PARD3: variants seen among roughly 807,000 people sequenced by gnomAD.
PARD3 encodes the protein par-3 family cell polarity regulator.
In PARD3, 75 loss-of-function variants were observed where a neutral mutation model predicts 155.4. That is an observed-to-expected ratio of 0.48 (90% CI 0.40 to 0.58). PARD3 has a LOEUF of 0.58. PARD3 is among the 20% of genes least tolerant of loss of function. PARD3 has a pLI of 0.00. For missense variants in PARD3, 1,642 were observed against 1,721.7 expected, an observed-to-expected ratio of 0.95 and a Z score of 0.82; for synonymous variants, 576 against 610.5, an observed-to-expected ratio of 0.94 and a Z score of 0.83.
At position 34,806,692 on chromosome 10, in the gene PARD3, C is replaced by T. The variant is rs767856538; in HGVS notation, c.120+8184G>A. On this transcript the variant is annotated intron_variant, in intron 1 of 24. Transcript: ENST00000374788. ...TCCATTTGACCTGGAGAGCAAGCCC[C>T]GTCATTTCAAAGTTGGGGGGGTCGG... Among the ~76,000 whole-genome samples the T allele has an allele frequency of 2.6e-5, 4 of 152,268 alleles. No individual in the cohort carries two copies. In the East Asian group the frequency reaches 5.8e-4, roughly 22 times the overall value.
chr10:34,142,531 T>C, intron 22 of PARD3, among the ~76,000 whole-genome samples: 1 of 145,392 alleles, frequency 6.9e-6, no homozygotes, highest in East Asian at 2.1e-4. Context: ...CGAGACTCTG[T>C]CAAAGAAAAA....
chr10:34,742,253 GAGA>G (rs1310464034), intron 1 of PARD3, among the ~76,000 whole-genome samples: 12 of 152,336 alleles, frequency 7.9e-5, no homozygotes, highest in Non-Finnish European at 1.2e-4. Flanking sequence ...GAACTGGGAT[GAGA>G]TCAGAGGCAC....
Position 34,282,742 on chromosome 10 carries a change from C to T in PARD3, c.3176+1393G>A, listed in dbSNP as rs531050996. Among the ~76,000 whole-genome samples, 3 of 152,202 alleles carry T rather than the reference C, an allele frequency of 2.0e-5. No homozygotes were observed. The East Asian group carries it at 5.8e-4, about 29-fold the overall frequency. ...AGTTCACACATTTACCTGGTATAGT[C>T]TCCTCCTTTAGGGAGAAGAAACTCT... On this transcript the variant is annotated intron_variant, in intron 21 of 24. Coordinates refer to ENST00000374788, the MANE Select transcript of PARD3 (RefSeq NM_001184785.2).
chr10:34,375,616 A>G (rs1431344268), intron 10 of PARD3, among the ~76,000 whole-genome samples: 2 of 152,208 alleles, frequency 1.3e-5, no homozygotes, highest in East Asian at 3.8e-4. Context: ...AAAAATTTAA[A>G]ACAACTTGTT....
chr10:34,727,878 C>CCACACACACACACACA (rs61342514), intron 1 of PARD3, among the ~76,000 whole-genome samples: 1 of 144,622 alleles, frequency 6.9e-6, no homozygotes, highest in African/African-American at 2.6e-5. Context: ...CCTCCCTCCG[C>CCACACACACACACACA]CACACACACA....
chr10:34,266,459 AC>A (rs1955314114), intron 22 of PARD3, among the ~76,000 whole-genome samples: 1 of 152,226 alleles, frequency 6.6e-6, no homozygotes, highest in Admixed American at 6.5e-5. Context: ...AATAATAATT[AC>A]AAAAAACTAA....
rs550463501 is a variant in PARD3 at position 34,696,471 on chromosome 10, G to A, written c.121-52C>T. The A allele has an allele frequency of 9.2e-6, 10 of 1,091,660 alleles. No homozygotes were observed. In the South Asian group the frequency reaches 1.0e-4, roughly 11 times the overall value. The allele number at this position is 1,091,660 out of a possible 1,614,324, so 67.6% of individuals were successfully genotyped here. ...TATAGCAAGTTAGCATCACCAAAAG[G>A]GAATTAGACATTTTAAACCGTGATA... On this transcript the variant is annotated intron_variant, in intron 1 of 24. Coordinates refer to ENST00000374788, the MANE Select transcript of PARD3 (RefSeq NM_001184785.2).
intron 2 of PARD3, among the ~76,000 whole-genome samples, chr10:34,636,414 C>T (rs1564445151): frequency 6.6e-6 from 1 of 152,336 alleles, no homozygotes; most frequent in Middle Eastern, 3.4e-3. Context: ...CACTCTCTGG[C>T]GTTAATTCAC....
chr10:34,468,742 AAACC>A (rs1452393941), intron 4 of PARD3, among the ~76,000 whole-genome samples: 4 of 152,238 alleles, frequency 2.6e-5, no homozygotes, highest in Admixed American at 1.3e-4. Flanking sequence ...TTCTCAGTTT[AAACC>A]TATGTTTTCC....
chr10:34,812,227 G>C (rs1290545197), intron 1 of PARD3, among the ~76,000 whole-genome samples: 1 of 152,194 alleles, frequency 6.6e-6, no homozygotes, highest in Non-Finnish European at 1.5e-5. Context: ...TGATTTGAGA[G>C]TTGGGACCTT....
chr10:34,134,273 T>C (rs1309017017), intron 22 of PARD3, among the ~76,000 whole-genome samples: 3 of 152,230 alleles, frequency 2.0e-5, no homozygotes, highest in Non-Finnish European at 4.4e-5. Context: ...CACTGTCATT[T>C]TTCCACCTGT....
intron 12 of PARD3, among the ~76,000 whole-genome samples, chr10:34,370,493 T>C (rs983929551): frequency 6.6e-6 from 1 of 152,192 alleles, no homozygotes; most frequent in Non-Finnish European, 1.5e-5. Flanking sequence ...TTGCCCAGAC[T>C]GGTCTTAATC....
At chr10:34,730,813 T>C (rs1048125628) in intron 1 of PARD3, among the ~76,000 whole-genome samples, 2 of 152,164 alleles carry the variant, frequency 1.3e-5, no homozygotes, top group African/African-American at 4.8e-5. Flanking sequence ...AAAATTTAAA[T>C]TTGAAAAACG....
In PARD3 at chr10:34,132,213, C is replaced by A. The variant is rs182084010; in HGVS notation, c.3420-630G>T. Among the ~76,000 whole-genome samples, 854 of 152,228 alleles carry A rather than the reference C, an allele frequency of 5.6e-3. 7 individuals are homozygous for A. The highest frequency in any genetic ancestry group is 0.019 in the African/African-American group (782 of 41,528). ...AAGTTCAAGTGGTAGTTTCATTTAA[C>A]CATCTAGTTAATAACAATACGGCCT... is the stretch of plus-strand genomic sequence containing the variant. On this transcript the variant is annotated intron_variant, in intron 22 of 24. Coordinates refer to ENST00000374788, the MANE Select transcript of PARD3 (RefSeq NM_001184785.2).
intron 2 of PARD3, among the ~76,000 whole-genome samples, chr10:34,602,435 A>G (rs1590183595): frequency 6.6e-6 from 1 of 152,226 alleles, no homozygotes; most frequent in Non-Finnish European, 1.5e-5. Context: ...TTTGTTGTAT[A>G]CTAGGGTGGT....
intron 2 of PARD3, among the ~76,000 whole-genome samples, chr10:34,647,462 C>T (rs1003167613): frequency 2.0e-5 from 3 of 152,192 alleles, no homozygotes; most frequent in Non-Finnish European, 4.4e-5. Context: ...TGTATTCTAA[C>T]ACATAAATAG....
chr10:34,613,855 T>A (rs2132645302), intron 2 of PARD3, among the ~76,000 whole-genome samples: 1 of 152,358 alleles, frequency 6.6e-6, no homozygotes, highest in East Asian at 1.9e-4. Flanking sequence ...ACTTTAATTT[T>A]TAAACTTGCT....
intron 2 of PARD3, among the ~76,000 whole-genome samples, chr10:34,609,726 G>A (rs916371598): frequency 1.3e-5 from 2 of 151,918 alleles, no homozygotes; most frequent in South Asian, 2.1e-4. Context: ...GTTTTGTCGA[G>A]ACAAAACAAA....
intron 5 of PARD3, among the ~76,000 whole-genome samples, chr10:34,432,333 CACAT>C (rs1038363981): frequency 2.9e-4 from 22 of 74,968 alleles, no homozygotes; most frequent in African/African-American, 1.0e-3. Flanking sequence ...TATACACGTG[CACAT>C]ACACACACAC....
Sources: gnomAD v4.1 joint callset for allele counts (sites outside exome capture counted in the v4.1 genomes callset) on GRCh38, gnomAD v4.1.1 for gene constraint, MANE v1.5 for transcripts, NCBI Gene and HGNC (gene_info 2026-07-23, HGNC 2026-07-21) for gene names.